The following KCNMA1 variants were observed in gnomAD, a reference collection of about 807,000 sequenced individuals.
The protein encoded by KCNMA1 is potassium calcium-activated channel subfamily M alpha 1.
Under a neutral mutation model 140.0 loss-of-function variants are expected in KCNMA1, and 29 were observed. The observed-to-expected ratio is 0.21, with a 90% CI of 0.15 to 0.28. KCNMA1 has a LOEUF of 0.28. Among genes scored for constraint, KCNMA1 ranks in the 10% least tolerant of loss-of-function variants. The pLI is 1.00. For synonymous variants in KCNMA1, 612 were observed against 611.9 expected (o/e 1.00, Z 0.00); for missense variants, 880 against 1,602.2 (o/e 0.55, Z 7.70).
Position 77,331,862 on chromosome 10 carries a change from A to G in KCNMA1, c.540+72000T>C, listed in dbSNP as rs191844659. ...AATAGGTAACCTGTCCCCTGTCCCA[A>G]ATTGCCCTGGGGAGCACTGCAAAGC... On this transcript the variant is annotated intron_variant, in intron 2 of 27. Coordinates refer to ENST00000286628, the MANE Select transcript of KCNMA1 (RefSeq NM_001161352.2). Among the ~76,000 whole-genome samples the G allele has an allele frequency of 1.8e-4, 28 of 152,226 alleles. No individual in the cohort carries two copies. In the East Asian group the frequency reaches 3.3e-3, roughly 18 times the overall value.
chr10:77,448,981 T>C (rs1338882299), intron 1 of KCNMA1, among the ~76,000 whole-genome samples: 2 of 151,448 alleles, frequency 1.3e-5, no homozygotes, highest in African/African-American at 4.9e-5. Context: ...CAGCTACTCA[T>C]GAGGCTGATG....
At chr10:77,376,947 A>AC (rs1351403193) in intron 2 of KCNMA1, among the ~76,000 whole-genome samples, 1,604 of 146,840 alleles carry the variant, frequency 0.011, 29 homozygotes, top group African/African-American at 0.03. Context: ...CAAAATAAAT[A>AC]AATACATACA....
chr10:76,887,087 G>A lies in KCNMA1; in HGVS notation c.*179C>T. ...CTGCTTATTTGCTGTTGTGCTCAAG[G>A]GTTTTATGGTGGTGAAATAAAAATG... On this transcript the variant is annotated 3_prime_UTR_variant, in exon 28 of 28. Coordinates refer to ENST00000286628, the MANE Select transcript of KCNMA1 (RefSeq NM_001161352.2). 1 of 1,543,988 alleles carries A rather than the reference G, an allele frequency of 6.5e-7. No individual in the cohort carries two copies.
intron 2 of KCNMA1, among the ~76,000 whole-genome samples, chr10:77,319,282 A>G (rs1298913621): frequency 6.6e-6 from 1 of 152,036 alleles, no homozygotes; most frequent in Non-Finnish European, 1.5e-5. Context: ...ACCCCATGCC[A>G]TTGCTCCAGA....
At chr10:77,574,325 A>G (rs991761896) in intron 1 of KCNMA1, among the ~76,000 whole-genome samples, 5 of 152,094 alleles carry the variant, frequency 3.3e-5, no homozygotes, top group African/African-American at 9.7e-5. Flanking sequence ...CATAGATATA[A>G]TACACATGTA....
intron 3 of KCNMA1, among the ~76,000 whole-genome samples, chr10:77,185,801 G>A (rs1168571603): frequency 6.6e-6 from 1 of 152,080 alleles, no homozygotes; most frequent in Non-Finnish European, 1.5e-5. Flanking sequence ...TGGGCTGGGT[G>A]GGAAGTAGGA....
rs575450478 is a variant in KCNMA1 at position 77,451,331 on chromosome 10, C to T, written c.379-47308G>A. 7.2e-5 allele frequency among the ~76,000 whole-genome samples: 11 copies of T among 152,258 alleles called. No homozygotes were observed. The South Asian group carries it at 2.3e-3, about 32-fold the overall frequency. Reference sequence around the variant, plus strand: ...CCATCGGGCAGATAAAAAGAGGAACCCTGTGCCCCTGAAGTTGATCTGACC... The same window carrying T: ...CCATCGGGCAGATAAAAAGAGGAACTCTGTGCCCCTGAAGTTGATCTGACC... On this transcript the variant is annotated intron_variant, in intron 1 of 27. Transcript: ENST00000286628.
chr10:77,174,965 A>G (rs1166548791), intron 5 of KCNMA1, among the ~76,000 whole-genome samples: 1 of 152,208 alleles, frequency 6.6e-6, no homozygotes, highest in Non-Finnish European at 1.5e-5. Flanking sequence ...CTGAACATGA[A>G]GAGTTTTAAA....
chr10:77,002,632 C>G (rs1327589741), intron 18 of KCNMA1, among the ~76,000 whole-genome samples: 3 of 152,126 alleles, frequency 2.0e-5, no homozygotes, highest in Admixed American at 2.0e-4. Context: ...GCCTGGGGAT[C>G]CAAACTGAGT....
At chr10:76,998,164 G>A (rs1326227244) in intron 19 of KCNMA1, among the ~76,000 whole-genome samples, 2 of 152,144 alleles carry the variant, frequency 1.3e-5, no homozygotes, top group African/African-American at 4.8e-5. Flanking sequence ...GGTGCACCGA[G>A]CAGGCAGCCC....
chr10:77,631,644 G>A (rs912339208), intron 1 of KCNMA1, among the ~76,000 whole-genome samples: 1 of 152,182 alleles, frequency 6.6e-6, no homozygotes, highest in Non-Finnish European at 1.5e-5. Context: ...ATGAGAGAGA[G>A]AGAAAGAGAG....
intron 6 of KCNMA1, among the ~76,000 whole-genome samples, chr10:77,118,814 T>A (rs1314099431): frequency 2.0e-5 from 3 of 152,142 alleles, no homozygotes; most frequent in African/African-American, 7.2e-5. Context: ...ACGCAGCAAG[T>A]TCTCTGACAG....
At chr10:77,262,023 T>C (rs2062149083) in intron 2 of KCNMA1, among the ~76,000 whole-genome samples, 1 of 152,190 alleles carries the variant, frequency 6.6e-6, no homozygotes, top group Non-Finnish European at 1.5e-5. Context: ...ACTAAATTTG[T>C]GGCTATCTTT....
chr10:77,289,025 T>C (rs910025083), intron 2 of KCNMA1, among the ~76,000 whole-genome samples: 8 of 152,258 alleles, frequency 5.3e-5, no homozygotes, highest in African/African-American at 1.9e-4. Context: ...ATCTGCTCAC[T>C]CTCATTTTGG....
chr10:77,038,782 C>T (rs1424437037), intron 15 of KCNMA1, among the ~76,000 whole-genome samples: 1 of 152,160 alleles, frequency 6.6e-6, no homozygotes, highest in Non-Finnish European at 1.5e-5. Flanking sequence ...CTCAAGTGAT[C>T]CTCTCACCTC....
chr10:77,364,132 T>C (rs2094182759), intron 2 of KCNMA1, among the ~76,000 whole-genome samples: 1 of 152,110 alleles, frequency 6.6e-6, no homozygotes, highest in Admixed American at 6.5e-5. Flanking sequence ...CCAATTTTTA[T>C]AATCTCCATG....
chr10:77,131,101 A>G (rs1050964827), intron 5 of KCNMA1, among the ~76,000 whole-genome samples: 1 of 152,196 alleles, frequency 6.6e-6, no homozygotes, highest in Non-Finnish European at 1.5e-5. Context: ...TAGTCACTAC[A>G]TGGCAGCAAG....
intron 2 of KCNMA1, among the ~76,000 whole-genome samples, chr10:77,338,695 C>T (rs2090008800): frequency 6.6e-6 from 1 of 152,200 alleles, no homozygotes; most frequent in Admixed American, 6.5e-5. Flanking sequence ...CTAGCTTGTT[C>T]ATCTGGGCAG....
At chr10:77,189,155 T>TA (rs1277666170) in intron 3 of KCNMA1, among the ~76,000 whole-genome samples, 1 of 152,192 alleles carries the variant, frequency 6.6e-6, no homozygotes, top group African/African-American at 2.4e-5. Flanking sequence ...GTTTCCCAGA[T>TA]AATGGGGATG....
Sources: gnomAD v4.1 joint callset for allele counts (sites outside exome capture counted in the v4.1 genomes callset) on GRCh38, gnomAD v4.1.1 for gene constraint, MANE v1.5 for transcripts, NCBI Gene and HGNC (gene_info 2026-07-23, HGNC 2026-07-21) for gene names.